The following SAMMSON variants were observed in gnomAD, a reference collection of about 807,000 sequenced individuals.
SAMMSON encodes survival associated mitochondrial melanoma specific oncogenic non-coding RNA, also known as long intergenic non-protein coding RNA 1212.
intron 7 of SAMMSON, among the ~76,000 whole-genome samples, chr3:70,331,345 G>C (rs1165945184): frequency 6.6e-6 from 1 of 152,154 alleles, no homozygotes; most frequent in Non-Finnish European, 1.5e-5. Flanking sequence ...TAGGGCTTAT[G>C]TACAGCTTAT....
At chr3:70,262,242 T>C (rs1701874089) in intron 6 of SAMMSON, among the ~76,000 whole-genome samples, 1 of 152,124 alleles carries the variant, frequency 6.6e-6, no homozygotes, top group African/African-American at 2.4e-5. Flanking sequence ...ATTATACCAA[T>C]AACGTGAGAC....
At chr3:70,401,512 T>A (rs1701141684) in intron 2 of SAMMSON, among the ~76,000 whole-genome samples, 1 of 152,234 alleles carries the variant, frequency 6.6e-6, no homozygotes, top group East Asian at 1.9e-4. Flanking sequence ...CGAAATAATA[T>A]GAAAATGAAG....
intron 4 of SAMMSON, among the ~76,000 whole-genome samples, chr3:70,145,144 T>C (rs2067543308): frequency 1.3e-5 from 2 of 152,126 alleles, no homozygotes; most frequent in South Asian, 4.1e-4. Flanking sequence ...CCCAATGCGA[T>C]TATTATCCTC....
At chr3:70,124,617 T>A (rs2067447934) in intron 4 of SAMMSON, among the ~76,000 whole-genome samples, 1 of 151,748 alleles carries the variant, frequency 6.6e-6, no homozygotes, top group East Asian at 1.9e-4. Flanking sequence ...TCAAGACCAT[T>A]CTGGCTAACA....
At chr3:70,113,357 G>T (rs941976819) in intron 4 of SAMMSON, among the ~76,000 whole-genome samples, 2 of 152,120 alleles carry the variant, frequency 1.3e-5, no homozygotes, top group African/African-American at 4.8e-5. Flanking sequence ...AAAAGCCAGA[G>T]TAAATAATGG....
At chr3:70,414,830 A>C (rs974515065) in intron 2 of SAMMSON, among the ~76,000 whole-genome samples, 1 of 152,188 alleles carries the variant, frequency 6.6e-6, no homozygotes, top group Non-Finnish European at 1.5e-5. Context: ...GAAATCATTT[A>C]AATTGAAGTC....
chr3:70,003,371 A>T lies in SAMMSON; in HGVS notation n.22+3504A>T, dbSNP rs554990818. On this transcript the variant is annotated intron_variant and non_coding_transcript_variant, in intron 1 of 9. Transcript: ENST00000642114. ...ATATATTACAGAGTGTCTCCTATCT[A>T]TCTAGCCTATCCCCTCTTCTTTTTC... Among the ~76,000 whole-genome samples the T allele has an allele frequency of 9.2e-5, 14 of 152,052 alleles. No homozygotes were observed. The East Asian group carries it at 2.7e-3, about 29-fold the overall frequency.
intron 4 of SAMMSON, among the ~76,000 whole-genome samples, chr3:70,178,030 C>T (rs1005540762): frequency 2.0e-5 from 3 of 152,098 alleles, no homozygotes; most frequent in East Asian, 3.8e-4. Context: ...GCCCATATGC[C>T]GAGCGTTATA....
At chr3:70,035,825 T>C (rs2067083318) in intron 3 of SAMMSON, among the ~76,000 whole-genome samples, 1 of 152,192 alleles carries the variant, frequency 6.6e-6, no homozygotes, top group Non-Finnish European at 1.5e-5. Flanking sequence ...GATTTGTTTA[T>C]ATCTATCAAA....
At chr3:70,190,034 G>A (rs545439326) in intron 4 of SAMMSON, among the ~76,000 whole-genome samples, 1 of 152,142 alleles carries the variant, frequency 6.6e-6, no homozygotes, top group Non-Finnish European at 1.5e-5. Context: ...GCAGCAGAAG[G>A]CTGGCTTAAT....
At chr3:70,002,519 T>C in intron 1 of SAMMSON, among the ~76,000 whole-genome samples, 1 of 152,152 alleles carries the variant, frequency 6.6e-6, no homozygotes, top group East Asian at 1.9e-4. Flanking sequence ...TCACCAACAG[T>C]GGCAGAATTA....
chr3:70,090,877 A>C (rs2067302697), intron 4 of SAMMSON, among the ~76,000 whole-genome samples: 1 of 152,164 alleles, frequency 6.6e-6, no homozygotes, highest in Non-Finnish European at 1.5e-5. Flanking sequence ...TAGGCTTAAA[A>C]ATAATTATTT....
chr3:70,271,519 C>G (rs1342574616), intron 6 of SAMMSON, among the ~76,000 whole-genome samples: 1 of 152,188 alleles, frequency 6.6e-6, no homozygotes, highest in African/African-American at 2.4e-5. Context: ...AACTATTTAA[C>G]AAACATCACC....
At chr3:70,400,767 C>A (rs1701133728) in intron 2 of SAMMSON, among the ~76,000 whole-genome samples, 1 of 151,966 alleles carries the variant, frequency 6.6e-6, no homozygotes, top group Admixed American at 6.6e-5. Context: ...ACTGTCTCTA[C>A]TAAAAATCAC....
chr3:70,263,634 C>T (rs563757180), intron 6 of SAMMSON, among the ~76,000 whole-genome samples: 14 of 152,278 alleles, frequency 9.2e-5, no homozygotes, highest in African/African-American at 3.4e-4. Flanking sequence ...AGATGGTATT[C>T]AGCAAAAGAC....
intron 2 of SAMMSON, among the ~76,000 whole-genome samples, chr3:70,395,300 G>A (rs543572926): frequency 1.4e-5 from 2 of 144,740 alleles, no homozygotes; most frequent in South Asian, 4.5e-4. Context: ...CTGCATCTGA[G>A]TTCTCCTCTC....
chr3:70,165,763 G>A (rs888215583), intron 4 of SAMMSON, among the ~76,000 whole-genome samples: 1 of 151,930 alleles, frequency 6.6e-6, no homozygotes, highest in African/African-American at 2.4e-5. Flanking sequence ...TAAAGTTCTT[G>A]CTCATCAAAT....
At chr3:70,198,344 T>C (rs1456462384) in intron 4 of SAMMSON, among the ~76,000 whole-genome samples, 1 of 152,132 alleles carries the variant, frequency 6.6e-6, no homozygotes, top group Non-Finnish European at 1.5e-5. Flanking sequence ...TATAAGCATA[T>C]AGAAGAGATT....
rs77798026 is a variant in SAMMSON at position 70,110,659 on chromosome 3, C to G, written n.507+39094C>G. 3.4e-3 allele frequency among the ~76,000 whole-genome samples: 516 copies of G among 152,266 alleles called. 1 individual carries two copies. Among genetic ancestry groups the G allele is most frequent in the African/African-American group, 0.012 (499 of 41,554 alleles). ...GGTCCAGCCACAACTCGAATTCTATCTGTCTCAATTCTAAATACCCTGAAG... is the reference window on the plus strand; with the variant it reads ...GGTCCAGCCACAACTCGAATTCTATGTGTCTCAATTCTAAATACCCTGAAG... On this transcript the variant is annotated intron_variant and non_coding_transcript_variant, in intron 4 of 9. Transcript: ENST00000642114.
Sources: allele counts gnomAD v4.1 joint callset (sites outside exome capture counted in the v4.1 genomes callset), GRCh38; gene constraint gnomAD v4.1.1; transcripts MANE v1.5; gene names NCBI Gene and HGNC (gene_info 2026-07-23, HGNC 2026-07-21).